Variants in REDIC1 observed in about 807,000 individuals in gnomAD.
The protein encoded by REDIC1 is HEI10 Interacting Protein 1.
At chr12:39,891,206 C>CAT in the REDIC1 span, among the ~76,000 whole-genome samples, 1 of 150,274 alleles carries the variant, frequency 6.7e-6, no homozygotes, top group African/African-American at 2.5e-5. Context: ...CCAGTCTCTC[C>CAT]ATCATTATTT....
the REDIC1 span, among the ~76,000 whole-genome samples, chr12:39,810,868 C>T: frequency 2.2e-3 from 342 of 152,136 alleles, no homozygotes; most frequent in Admixed American, 4.1e-3. Flanking sequence ...GGAGATACTG[C>T]GATGTTCATC....
chr12:39,836,018 C>T, the REDIC1 span, among the ~76,000 whole-genome samples: 1 of 152,082 alleles, frequency 6.6e-6, no homozygotes, highest in African/African-American at 2.4e-5. Flanking sequence ...AACTCACTTT[C>T]AGAAAGCAAC....
chr12:39,798,042 A>C, the REDIC1 span, among the ~76,000 whole-genome samples: 1 of 152,202 alleles, frequency 6.6e-6, no homozygotes, highest in Non-Finnish European at 1.5e-5. Context: ...GATCAAAGAT[A>C]TGATGGTGTC....
At chr12:39,889,400 C>T in the REDIC1 span, among the ~76,000 whole-genome samples, 1 of 152,020 alleles carries the variant, frequency 6.6e-6, no homozygotes, top group South Asian at 2.1e-4. Flanking sequence ...TAAATATAGC[C>T]TTATACTCTA....
chr12:39,738,931 A>G, the REDIC1 span, among the ~76,000 whole-genome samples: 2 of 152,162 alleles, frequency 1.3e-5, no homozygotes, highest in Admixed American at 6.5e-5. Flanking sequence ...TGTATTTTCA[A>G]ATGTCATTGC....
the REDIC1 span, among the ~76,000 whole-genome samples, chr12:39,714,481 A>G: frequency 6.6e-6 from 1 of 151,422 alleles, no homozygotes; most frequent in African/African-American, 2.4e-5. Context: ...GGTTTGTTGC[A>G]TGATTTTGTA....
the REDIC1 span, among the ~76,000 whole-genome samples, chr12:39,736,206 A>C: frequency 6.6e-6 from 1 of 152,234 alleles, no homozygotes; most frequent in Non-Finnish European, 1.5e-5. Flanking sequence ...TAGTGTGTGC[A>C]TGGCTGGATT....
At chr12:39,626,349 G>T in the REDIC1 span, 1 of 1,613,778 alleles carries the variant, frequency 6.2e-7, no homozygotes, top group East Asian at 2.2e-5. Context: ...GAATTGGGTC[G>T]GGGGGTCCCG....
the REDIC1 span, among the ~76,000 whole-genome samples, chr12:39,811,055 G>T: frequency 6.6e-6 from 1 of 152,014 alleles, no homozygotes. Flanking sequence ...TTTTCTTTGT[G>T]GGGAGATTTT....
At chr12:39,826,581 T>C in the REDIC1 span, among the ~76,000 whole-genome samples, 1 of 151,380 alleles carries the variant, frequency 6.6e-6, no homozygotes, top group Non-Finnish European at 1.5e-5. Flanking sequence ...GAAAAACTAA[T>C]TGTAATCTCA....
At chr12:39,701,498 T>C in the REDIC1 span, among the ~76,000 whole-genome samples, 3 of 152,128 alleles carry the variant, frequency 2.0e-5, no homozygotes, top group Admixed American at 6.5e-5. Flanking sequence ...TGGGAGACTT[T>C]AACACCCCAC....
At chr12:39,836,561 A>G in the REDIC1 span, among the ~76,000 whole-genome samples, 3 of 151,150 alleles carry the variant, frequency 2.0e-5, no homozygotes, top group African/African-American at 7.3e-5. Context: ...CCCTGTTTGC[A>G]GACGATATGA....
chr12:39,812,398 C>CT, the REDIC1 span, among the ~76,000 whole-genome samples: 7 of 111,360 alleles, frequency 6.3e-5, no homozygotes, highest in East Asian at 4.3e-4. Flanking sequence ...TTCTCTCTCT[C>CT]TTTCTTCCTT....
chr12:39,732,892 C>T, the REDIC1 span, among the ~76,000 whole-genome samples: 1 of 152,112 alleles, frequency 6.6e-6, no homozygotes, highest in African/African-American at 2.4e-5. Flanking sequence ...TCTGGCATGA[C>T]AAGGCCTTGT....
the REDIC1 span, among the ~76,000 whole-genome samples, chr12:39,661,456 C>A: frequency 2.0e-5 from 3 of 151,854 alleles, no homozygotes; most frequent in South Asian, 6.2e-4. Context: ...TGTATGTCTT[C>A]TTTTGAGAAG....
chr12:39,793,396 C>G, the REDIC1 span, among the ~76,000 whole-genome samples: 1 of 151,920 alleles, frequency 6.6e-6, no homozygotes, highest in Non-Finnish European at 1.5e-5. Context: ...TCAATTCATC[C>G]CAAATTGATC....
At chr12:39,636,434 C>T in the REDIC1 span, among the ~76,000 whole-genome samples, 1 of 151,964 alleles carries the variant, frequency 6.6e-6, no homozygotes, top group Non-Finnish European at 1.5e-5. Flanking sequence ...CACATCAGGT[C>T]GACCTGCTTT....
the REDIC1 span, among the ~76,000 whole-genome samples, chr12:39,837,168 C>A: frequency 1.9e-4 from 26 of 134,468 alleles, no homozygotes; most frequent in African/African-American, 7.0e-4. Context: ...CAGAACAGAG[C>A]CCTCAGAAAT....
chr12:39,903,043 GA>G, the REDIC1 span, among the ~76,000 whole-genome samples: 1 of 152,114 alleles, frequency 6.6e-6, no homozygotes, highest in Non-Finnish European at 1.5e-5. Context: ...TGAGTAATAT[GA>G]GTATGACTCA....
Sources: allele counts gnomAD v4.1 joint callset (sites outside exome capture counted in the v4.1 genomes callset), GRCh38; gene constraint gnomAD v4.1.1; transcripts MANE v1.5; gene names NCBI Gene and HGNC (gene_info 2026-07-23, HGNC 2026-07-21).